STPG1: variants seen among roughly 807,000 people sequenced by gnomAD.
STPG1 encodes O(6)-methylguanine-induced apoptosis 2.
In STPG1, 33 loss-of-function variants were observed where a neutral mutation model predicts 40.1. That is an observed-to-expected ratio of 0.82 (90% CI 0.62 to 1.10). The LOEUF (loss-of-function observed/expected upper bound fraction) is 1.10, where lower values mean the gene tolerates loss of function less well. STPG1 is among the 50% of genes least tolerant of loss of function. STPG1 has a pLI of 0.00. For missense variants in STPG1, 396 were observed against 415.1 expected, an observed-to-expected ratio of 0.95 and a Z score of 0.40; for synonymous variants, 150 against 155.0, an observed-to-expected ratio of 0.97 and a Z score of 0.24.
intron 2 of STPG1, 72 bp downstream of exon 2, chr1:24,401,247 C>G: frequency 2.9e-6 from 4 of 1,381,296 alleles, no homozygotes; most frequent in Non-Finnish European, 4.1e-6. Flanking sequence ...TACTATTCCC[C>G]CCAAATTTGC....
At chr1:24,402,673 G>A (rs1308349149) in intron 1 of STPG1, among the ~76,000 whole-genome samples, 1 of 150,548 alleles carries the variant, frequency 6.6e-6, no homozygotes, top group Admixed American at 6.6e-5. Flanking sequence ...TTAAGCCCAG[G>A]AGATCAAGGC....
intron 1 of STPG1, among the ~76,000 whole-genome samples, chr1:24,410,978 T>C (rs952741098): frequency 6.6e-6 from 1 of 152,220 alleles, no homozygotes; most frequent in Non-Finnish European, 1.5e-5. Context: ...TCACTTAAAC[T>C]TCTGAGCCTA....
intron 3 of STPG1, among the ~76,000 whole-genome samples, chr1:24,387,888 A>G (rs1642584142): frequency 6.6e-6 from 1 of 152,178 alleles, no homozygotes; most frequent in South Asian, 2.1e-4. Flanking sequence ...ACTTCTGCAA[A>G]CTGAACCTCT....
chr1:24,361,225 G>A (rs992384349), intron 7 of STPG1, among the ~76,000 whole-genome samples, 184 bp from the exon 8 acceptor site: 1 of 152,170 alleles, frequency 6.6e-6, no homozygotes, highest in African/African-American at 2.4e-5. Context: ...TTCTTCATCT[G>A]CACATGGCAA....
At chr1:24,360,707 G>T in intron 8 of STPG1, 144 bp downstream of exon 8, 1 of 723,486 alleles carries the variant, frequency 1.4e-6, no homozygotes, top group Non-Finnish European at 2.2e-6. Flanking sequence ...GTGAAAATGT[G>T]AACTGATAAT....
At chr1:24,394,266 A>T (rs1642902203) in intron 2 of STPG1, among the ~76,000 whole-genome samples, 1 of 152,200 alleles carries the variant, frequency 6.6e-6, no homozygotes, top group Non-Finnish European at 1.5e-5. Context: ...AATGGGGCAA[A>T]ATTACCCCTA....
intron 4 of STPG1, among the ~76,000 whole-genome samples, chr1:24,380,025 G>A (rs886885794): frequency 6.6e-6 from 1 of 152,202 alleles, no homozygotes; most frequent in East Asian, 1.9e-4. Flanking sequence ...ACTCGCTTCT[G>A]TAAACTAACT....
rs1557454129 is a variant in STPG1 at position 24,391,920 on chromosome 1, G to C, written c.71-241C>G. ...AATTAGTGAGATGTGGTCACATAAAGTACCTTAAACAGGCTGTCCCGGAGA... is the reference window on the plus strand; with the variant it reads ...AATTAGTGAGATGTGGTCACATAAACTACCTTAAACAGGCTGTCCCGGAGA... On this transcript the variant is annotated intron_variant, in intron 2 of 8. Transcript: ENST00000337248. 8 of 1,238,922 alleles carry C rather than the reference G, an allele frequency of 6.5e-6. 1 individual carries two copies. The highest frequency in any genetic ancestry group is 6.5e-4 in the Middle Eastern group (2 of 3,094). The allele number at this position is 1,238,922 out of a possible 1,614,324, so 76.7% of individuals were successfully genotyped here. A position where few individuals can be genotyped will look rare whatever the true frequency, so the allele number is the denominator to read the frequency against.
At chr1:24,373,562 T>C in intron 6 of STPG1, 140 bp downstream of exon 6, 1 of 620,212 alleles carries the variant, frequency 1.6e-6, no homozygotes, top group Middle Eastern at 4.8e-4. Context: ...CTCTCCTCTT[T>C]GTTCAGTACC....
At chr1:24,379,241 G>A (rs999909405) in intron 5 of STPG1, 20 of 188,872 alleles carry the variant, frequency 1.1e-4, no homozygotes, top group East Asian at 6.9e-4. Flanking sequence ...AGCAGGGCAC[G>A]ACTGTTAAAA....
chr1:24,387,757 G>A (rs1642577447), intron 3 of STPG1, among the ~76,000 whole-genome samples: 1 of 152,184 alleles, frequency 6.6e-6, no homozygotes, highest in South Asian at 2.1e-4. Context: ...TTAGGAAGGG[G>A]TACTGGTGAC....
At chr1:24,409,771 G>A (rs538579100) in intron 1 of STPG1, among the ~76,000 whole-genome samples, 9 of 152,244 alleles carry the variant, frequency 5.9e-5, no homozygotes, top group Non-Finnish European at 8.8e-5. Flanking sequence ...TAGCCATCTC[G>A]ATTGTCAGAT....
chr1:24,392,744 A>T (rs1642831106), intron 2 of STPG1, among the ~76,000 whole-genome samples: 1 of 152,114 alleles, frequency 6.6e-6, no homozygotes, highest in South Asian at 2.1e-4. Flanking sequence ...CATCCAAACC[A>T]AATTTTGGGT....
Position 24,376,970 on chromosome 1 carries a change from T to C in STPG1, c.462+2683A>G, listed in dbSNP as rs56760811. 7.0e-3 allele frequency among the ~76,000 whole-genome samples: 1,065 copies of C among 152,142 alleles called. 19 individuals carry two copies. The highest frequency in any genetic ancestry group is 0.024 in the African/African-American group (996 of 41,512). ...GCTGGAAGGAACTTTTTAAAAAATA[T>C]GTCAGATTGGCTGGAAGCTGTGGCT... is the stretch of plus-strand genomic sequence containing the variant. On this transcript the variant is annotated intron_variant, in intron 5 of 8. Coordinates refer to ENST00000337248, the MANE Select transcript of STPG1 (RefSeq NM_001199013.2).
rs539681304 is a variant in STPG1 at position 24,407,812 on chromosome 1, T to C, written c.-69+5862A>G. On this transcript the variant is annotated intron_variant, in intron 1 of 8. Coordinates refer to ENST00000337248, the MANE Select transcript of STPG1 (RefSeq NM_001199013.2). ...TTCTTATTTCAAATATTGTATTTTTTCTTTCTAGAGGTTACATTTGGGCTC... is the reference window on the plus strand; with the variant it reads ...TTCTTATTTCAAATATTGTATTTTTCCTTTCTAGAGGTTACATTTGGGCTC... Among the ~76,000 whole-genome samples, 3 of 152,326 alleles carry C rather than the reference T, an allele frequency of 2.0e-5. No homozygotes were observed. In the East Asian group the frequency reaches 5.8e-4, roughly 29 times the overall value.
intron 2 of STPG1, among the ~76,000 whole-genome samples, chr1:24,400,086 G>A (rs1436355890): frequency 1.3e-5 from 2 of 152,158 alleles, no homozygotes; most frequent in African/African-American, 4.8e-5. Context: ...AGTTACAGAA[G>A]TTTTTATTCA....
chr1:24,396,463 C>CCATGCCTGGCTAGAT (rs1553126289), intron 2 of STPG1, among the ~76,000 whole-genome samples: 1 of 152,142 alleles, frequency 6.6e-6, no homozygotes, highest in Non-Finnish European at 1.5e-5. Context: ...GTGTGAGCCA[C>CCATGCCTGGCTAGAT]CATGCCTGGC....
chr1:24,401,512 C>T (rs371219090), intron 1 of STPG1, 56 bp from the exon 2 acceptor site: 1 of 789,374 alleles, frequency 1.3e-6, no homozygotes. Context: ...TTAATTATTG[C>T]AAATGGGTTC....
At chr1:24,374,539 G>A (rs1292200867) in intron 5 of STPG1, among the ~76,000 whole-genome samples, 4 of 151,962 alleles carry the variant, frequency 2.6e-5, no homozygotes, top group African/African-American at 7.3e-5. Context: ...GATTACAGGC[G>A]TGAGCCACTG....
Sources: gnomAD v4.1 joint callset for allele counts (sites outside exome capture counted in the v4.1 genomes callset) on GRCh38, gnomAD v4.1.1 for gene constraint, MANE v1.5 for transcripts, NCBI Gene and HGNC (gene_info 2026-07-23, HGNC 2026-07-21) for gene names.